Variants in EXOC6B observed in about 807,000 individuals in gnomAD.
The protein encoded by EXOC6B is SEC15 homolog B.
EXOC6B carries 54 observed loss-of-function variants against 113.5 expected under a neutral mutation model. That is an observed-to-expected ratio of 0.48 (90% CI 0.38 to 0.60). The LOEUF (loss-of-function observed/expected upper bound fraction) is 0.60. Ranked by LOEUF, EXOC6B falls within the 20% of genes least tolerant of loss-of-function variation. The pLI is 0.00. For synonymous variants in EXOC6B, 357 were observed against 339.0 expected, an observed-to-expected ratio of 1.05 and a Z score of -0.58; for missense variants, 797 against 977.5, an observed-to-expected ratio of 0.82 and a Z score of 2.46.
chr2:72,692,949 G>T (rs1375250556), intron 6 of EXOC6B, among the ~76,000 whole-genome samples: 7 of 152,156 alleles, frequency 4.6e-5, no homozygotes, highest in Admixed American at 4.6e-4. Context: ...AAGAAAAACA[G>T]ATTATCAACT....
At chr2:72,486,875 A>T (rs566326995) in intron 16 of EXOC6B, among the ~76,000 whole-genome samples, 42 of 152,182 alleles carry the variant, frequency 2.8e-4, no homozygotes, top group African/African-American at 9.6e-4. Context: ...ATAAAACAAA[A>T]AAAAAAACCT....
intron 6 of EXOC6B, among the ~76,000 whole-genome samples, chr2:72,691,984 CCT>C (rs1425717546): frequency 2.6e-5 from 4 of 151,808 alleles, no homozygotes; most frequent in East Asian, 3.9e-4. Context: ...GCGCCCAGCC[CCT>C]GTTCCCCTCT....
intron 18 of EXOC6B, among the ~76,000 whole-genome samples, chr2:72,448,506 GT>G (rs1185114677): frequency 1.3e-5 from 2 of 152,140 alleles, no homozygotes; most frequent in East Asian, 3.9e-4. Context: ...ATAACCTGGG[GT>G]AGAAAATTAA....
At chr2:72,380,946 T>C (rs1342180394) in intron 18 of EXOC6B, among the ~76,000 whole-genome samples, 3 of 152,168 alleles carry the variant, frequency 2.0e-5, no homozygotes, top group Admixed American at 6.5e-5. Context: ...TCCTTCTTTT[T>C]TGAAATAACA....
chr2:72,776,513 AG>A (rs1303785979), intron 1 of EXOC6B, among the ~76,000 whole-genome samples: 2 of 152,096 alleles, frequency 1.3e-5, no homozygotes, highest in Non-Finnish European at 2.9e-5. Context: ...GCTACTCATG[AG>A]GCTGAGATGG....
At chr2:72,640,012 G>C (rs759843010) in intron 6 of EXOC6B, among the ~76,000 whole-genome samples, 2 of 152,144 alleles carry the variant, frequency 1.3e-5, no homozygotes, top group African/African-American at 4.8e-5. Flanking sequence ...TCTGATCGGG[G>C]CTGAGATGGC....
chr2:72,384,638 A>T (rs1691887856), intron 18 of EXOC6B, among the ~76,000 whole-genome samples: 1 of 152,112 alleles, frequency 6.6e-6, no homozygotes, highest in African/African-American at 2.4e-5. Context: ...AATTCCACCA[A>T]AAACTGTTAG....
chr2:72,380,706 T>G (rs1558610612), intron 18 of EXOC6B, among the ~76,000 whole-genome samples: 1 of 152,004 alleles, frequency 6.6e-6, no homozygotes, highest in Non-Finnish European at 1.5e-5. Context: ...AAAAAATAAT[T>G]AAGGGGATGC....
chr2:72,638,204 C>A (rs544712698), intron 6 of EXOC6B, among the ~76,000 whole-genome samples: 1 of 152,126 alleles, frequency 6.6e-6, no homozygotes, highest in East Asian at 1.9e-4. Context: ...TTCAAAGGAT[C>A]ACTAGAGGCT....
At chr2:72,595,294 T>G (rs1426292436) in intron 6 of EXOC6B, among the ~76,000 whole-genome samples, 8 of 145,604 alleles carry the variant, frequency 5.5e-5, no homozygotes, top group Admixed American at 2.1e-4. Flanking sequence ...GATATATATA[T>G]CTATATATAT....
chr2:72,657,567 C>CTTTTTTTTTT lies in EXOC6B; in HGVS notation c.669+60526_669+60535dup, dbSNP rs70963136. Among the ~76,000 whole-genome samples the CTTTTTTTTTT allele has an allele frequency of 7.5e-3, 376 of 50,376 alleles. 41 individuals carry two copies. Among genetic ancestry groups the CTTTTTTTTTT allele is most frequent in the Middle Eastern group, 0.025 (1 of 40 alleles). The allele number at this position is 50,376 out of a possible 152,430, so 33.0% of individuals were successfully genotyped here. On this transcript the variant is annotated intron_variant, in intron 6 of 21. Transcript: ENST00000272427. The stretch of plus-strand genomic sequence containing the variant: ...TATTAGGTCTTTCCTCTTTCCTTTT[C>CTTTTTTTTTT]TTTTTTTTTTTTTTTTTTTTTTTTT...
Position 72,541,279 on chromosome 2 carries a change from A to T in EXOC6B, c.915+18174T>A, listed in dbSNP as rs574377176. On this transcript the variant is annotated intron_variant, in intron 8 of 21. Coordinates refer to ENST00000272427, the MANE Select transcript of EXOC6B (RefSeq NM_015189.3). ...CCGGACATATGGAACTGTTAAGTCC[A>T]ATTAAACTTCTTTTTCTTCCCAGTC... Among the ~76,000 whole-genome samples the T allele has an allele frequency of 5.9e-5, 9 of 152,332 alleles. No individual in the cohort carries two copies. The South Asian group carries it at 1.9e-3, about 32-fold the overall frequency.
intron 6 of EXOC6B, among the ~76,000 whole-genome samples, chr2:72,649,111 A>G (rs1183998075): frequency 1.3e-5 from 2 of 152,172 alleles, no homozygotes; most frequent in African/African-American, 2.4e-5. Flanking sequence ...CTGCTTTCCT[A>G]CCTTGGTGAC....
intron 8 of EXOC6B, among the ~76,000 whole-genome samples, chr2:72,545,241 T>C (rs1267256884): frequency 6.6e-6 from 1 of 152,152 alleles, no homozygotes; most frequent in African/African-American, 2.4e-5. Flanking sequence ...GTTGGTGAGA[T>C]GCACTGGCAA....
chr2:72,358,262 G>C (rs1427184964), intron 19 of EXOC6B, among the ~76,000 whole-genome samples: 1 of 151,818 alleles, frequency 6.6e-6, no homozygotes, highest in East Asian at 1.9e-4. Flanking sequence ...AGCTATCCAC[G>C]TGCTCCCCCT....
At chr2:72,282,090 C>T (rs1484612814) in intron 20 of EXOC6B, among the ~76,000 whole-genome samples, 1 of 152,086 alleles carries the variant, frequency 6.6e-6, no homozygotes, top group Non-Finnish European at 1.5e-5. Context: ...AACAAAAAGA[C>T]TTTTCCAGGC....
chr2:72,386,455 GC>G (rs1201101178), intron 18 of EXOC6B, among the ~76,000 whole-genome samples: 1 of 152,170 alleles, frequency 6.6e-6, no homozygotes, highest in Non-Finnish European at 1.5e-5. Context: ...CTTTAAGGCA[GC>G]CCCTCCCATC....
rs192683978 is a variant in EXOC6B, at chr2:72,587,316, G to T, written c.670-11648C>A. ...ATCCTAAGCAAACTAATGCAGGAAC[G>T]GAAAATCATATACTGCATGTTCTCA... On this transcript the variant is annotated intron_variant, in intron 6 of 21. Transcript: ENST00000272427. Among the ~76,000 whole-genome samples the T allele has an allele frequency of 1.5e-3, 228 of 152,254 alleles. 1 individual carries two copies. The highest frequency in any genetic ancestry group is 5.3e-3 in the African/African-American group (220 of 41,568).
rs142000450 is a variant in EXOC6B, at chr2:72,476,172, T to G, written c.1800+4444A>C. 2.2e-3 allele frequency among the ~76,000 whole-genome samples: 337 copies of G among 152,288 alleles called. 1 individual carries two copies. Among genetic ancestry groups the G allele is most frequent in the Non-Finnish European group, 4.0e-3 (269 of 68,026 alleles). On this transcript the variant is annotated intron_variant, in intron 17 of 21. Coordinates refer to ENST00000272427, the MANE Select transcript of EXOC6B (RefSeq NM_015189.3). ...AGGGCAAGTGAGGGTCAAGAGACTC[T>G]CCTATTGCCAGGATTTCAGGACTCC...
Sources: gnomAD v4.1 joint callset for allele counts (sites outside exome capture counted in the v4.1 genomes callset) on GRCh38, gnomAD v4.1.1 for gene constraint, MANE v1.5 for transcripts, NCBI Gene and HGNC (gene_info 2026-07-23, HGNC 2026-07-21) for gene names.